The following GLYR1 variants were observed in gnomAD, a reference collection of about 807,000 sequenced individuals.
GLYR1 encodes the protein glyoxylate reductase 1 homolog.
In GLYR1, 21 loss-of-function variants were observed where a neutral mutation model predicts 72.7. That is an observed-to-expected ratio of 0.29 (90% CI 0.20 to 0.42). The LOEUF is 0.42. Ranked by LOEUF, GLYR1 falls within the 10% of genes least tolerant of loss-of-function variation. GLYR1 has a pLI of 1.00. For synonymous variants in GLYR1, 392 were observed against 270.2 expected, an observed-to-expected ratio of 1.45 and a Z score of -4.42; for missense variants, 594 against 712.1, an observed-to-expected ratio of 0.83 and a Z score of 1.89.
chr16:4,827,771 G>A (rs925765088), intron 5 of GLYR1, among the ~76,000 whole-genome samples: 2 of 151,904 alleles, frequency 1.3e-5, no homozygotes, highest in African/African-American at 4.8e-5. Flanking sequence ...GTGGTGGCGG[G>A]CACCTGTAGT....
In GLYR1 at chr16:4,831,154, T is replaced by C. The variant is rs2084771843; in HGVS notation, c.537+825A>G. On this transcript the variant is annotated intron_variant, in intron 5 of 15. Transcript: ENST00000321919. ...CTTTTCCTTTTTCTCATTCATCCTCTATATAACCAATTATGGAATCTTAAG... is the reference window on the plus strand; with the variant it reads ...CTTTTCCTTTTTCTCATTCATCCTCCATATAACCAATTATGGAATCTTAAG... 7.2e-5 allele frequency among the ~76,000 whole-genome samples: 11 copies of C among 152,328 alleles called. No individual in the cohort carries two copies. In the South Asian group the frequency reaches 2.1e-3, roughly 29 times the overall value.
intron 9 of GLYR1, among the ~76,000 whole-genome samples, chr16:4,820,605 A>G (rs2083949266): frequency 6.6e-6 from 1 of 152,208 alleles, no homozygotes; most frequent in Non-Finnish European, 1.5e-5. Context: ...AATAACTGGT[A>G]GCATTAGTGA....
intron 3 of GLYR1, among the ~76,000 whole-genome samples, chr16:4,842,056 A>G (rs966734570): frequency 1.3e-5 from 2 of 152,046 alleles, no homozygotes; most frequent in African/African-American, 4.8e-5. Context: ...CTTGGCTAAC[A>G]TGGTGAAACC....
At chr16:4,811,912 C>T in intron 13 of GLYR1, 110 bp from the exon 14 acceptor site, 1 of 1,429,684 alleles carries the variant, frequency 7.0e-7, no homozygotes, top group Middle Eastern at 2.1e-4. Flanking sequence ...AGGCCCCCTT[C>T]ACCTGCCCCC....
At chr16:4,846,775 G>A (rs1348526187) in intron 1 of GLYR1, 8 of 248,832 alleles carry the variant, frequency 3.2e-5, no homozygotes, top group Non-Finnish European at 4.8e-5. Context: ...GTCCGGTTTA[G>A]ACAACCCCGG....
chr16:4,840,164 C>T (rs1283114580), intron 3 of GLYR1: 1 of 152,558 alleles, frequency 6.6e-6, no homozygotes, highest in East Asian at 1.9e-4. Context: ...TTATGCAGTG[C>T]TCCTCACCCT....
At chr16:4,836,478 A>G (rs145074960) in intron 3 of GLYR1, among the ~76,000 whole-genome samples, 148 of 152,336 alleles carry the variant, frequency 9.7e-4, no homozygotes, top group African/African-American at 3.1e-3. Context: ...TTCAAGCTGT[A>G]TTTAAAGTAG....
rs191382860 is a variant in GLYR1, at chr16:4,805,076, G to T, written c.*160C>A. On this transcript the variant is annotated 3_prime_UTR_variant, in exon 16 of 16. Coordinates refer to ENST00000321919, the MANE Select transcript of GLYR1 (RefSeq NM_032569.4). ...CCTCCCCACCGGCCTCAGGGGAAGG[G>T]TGCTGCTGTGTGCTGTGCTGATGGC... 3.0e-6 allele frequency: 2 copies of T among 659,992 alleles called. No individual in the cohort carries two copies. Among genetic ancestry groups the T allele is most frequent in the African/African-American group, 3.6e-5 (2 of 56,062 alleles). The allele number at this position is 659,992 out of a possible 1,614,324, so 40.9% of individuals were successfully genotyped here.
chr16:4,832,822 C>T lies in GLYR1; in HGVS notation c.246G>A (p.Ala82=), dbSNP rs774362220. 1.9e-5 allele frequency: 30 copies of T among 1,613,502 alleles called. No homozygotes were observed. Among genetic ancestry groups the T allele is most frequent in the African/African-American group, 6.7e-5 (5 of 74,920 alleles). ...KINKGKRFQQ[A]VDAVEEFLRR... ...TGAGGAACTCTTCGACAGCATCTAC[C>T]GCTTGCTGGAATCGTTTACCCTTGT... The change falls in exon 4 of 16, where the codon GCG becomes GCA. Residue 82 remains alanine (A), a synonymous_variant. Transcript: ENST00000321919.
intron 10 of GLYR1, among the ~76,000 whole-genome samples, chr16:4,816,049 A>T (rs780970665): frequency 2.0e-5 from 3 of 152,164 alleles, no homozygotes; most frequent in Non-Finnish European, 4.4e-5. Context: ...GATTATAGGC[A>T]TGAGCCACCG....
rs746905350 is a variant in GLYR1, at chr16:4,812,213, G to A, written c.1155C>T (p.Ala385=). ...IVSRGGRFLE[A]PVSGNQQLSN... ...ACAGCTGCTGATTCCCTGAGACGGG[G>A]GCTTCCAGAAAGCGCCCCCCCCTGG... is the stretch of plus-strand genomic sequence containing the variant. The change falls in exon 13 of 16, where the codon GCC becomes GCT. Residue 385 remains alanine, a synonymous_variant. Transcript: ENST00000321919. The A allele has an allele frequency of 6.2e-7, 1 of 1,614,008 alleles. No individual in the cohort carries two copies. Among genetic ancestry groups the A allele is most frequent in the Non-Finnish European group, 8.5e-7 (1 of 1,180,016 alleles).
chr16:4,838,789 A>G lies in GLYR1; in HGVS notation c.156-5877T>C, dbSNP rs1024670733. On this transcript the variant is annotated intron_variant, in intron 3 of 15. Coordinates refer to ENST00000321919, the MANE Select transcript of GLYR1 (RefSeq NM_032569.4). The stretch of plus-strand genomic sequence containing the variant: ...TTTTTAGGAGAGACGGGGTTTCACC[A>G]TGTTAGCCAGCATGGTCTTGATCTC... Among the ~76,000 whole-genome samples the G allele has an allele frequency of 4.9e-4, 75 of 152,012 alleles. 1 individual carries two copies. The highest frequency in any genetic ancestry group is 1.8e-3 in the African/African-American group (74 of 41,378).
At chr16:4,809,133 G>A (rs1270217693) in intron 15 of GLYR1, among the ~76,000 whole-genome samples, 1 of 150,710 alleles carries the variant, frequency 6.6e-6, no homozygotes, top group African/African-American at 2.4e-5. Context: ...GGAAATGGAT[G>A]GAAAAATATA....
rs764555206 is a variant in GLYR1 at position 4,823,883 on chromosome 16, T to C, written c.562A>G (p.Thr188Ala). 1.2e-6 allele frequency: 2 copies of C among 1,613,904 alleles called. No homozygotes were observed. Among genetic ancestry groups the C allele is most frequent in the African/African-American group, 2.7e-5 (2 of 74,880 alleles). ...EKDLTIPESS[T>A]VKGMMAGPMA... ...GGTCCGGCCATCATCCCCTTCACGGTACTAGACTCCGGGATGGTGAGATCC... is the reference window on the plus strand; with the variant it reads ...GGTCCGGCCATCATCCCCTTCACGGCACTAGACTCCGGGATGGTGAGATCC... The change falls in exon 6 of 16, where the codon ACC (threonine) becomes GCC (alanine). Residue 188 changes from threonine to alanine, a missense_variant. By Grantham distance (58) the Thr-to-Ala change is moderately conservative (BLOSUM62 0). Coordinates refer to ENST00000321919, the MANE Select transcript of GLYR1 (RefSeq NM_032569.4).
At chr16:4,843,345 G>C in intron 3 of GLYR1, 1 of 434,260 alleles carries the variant, frequency 2.3e-6, no homozygotes, top group Non-Finnish European at 3.4e-6. Flanking sequence ...TGTAGAGACG[G>C]GGTTTTGCCA....
At position 4,811,734 on chromosome 16, in the gene GLYR1, T is replaced by C. The variant is rs760748474; in HGVS notation, c.1351A>G (p.Ile451Val). 6 of 1,614,146 alleles carry C rather than the reference T, an allele frequency of 3.7e-6. No homozygotes were observed. The highest frequency in any genetic ancestry group is 5.1e-6 in the Non-Finnish European group (6 of 1,180,018). The change falls in exon 14 of 16, where the codon ATT becomes GTT. Residue 451 changes from isoleucine to valine, a missense_variant. Transcript: ENST00000321919. ...TGGGCCAGGGTCAGCCCCTCGGCAA[T>C]AGTGGCCATGAAGCTCCCTTGGACC... ...NMVQGSFMAT[I>V]AEGLTLAQVT... is the part of the protein sequence containing the mutation.
chr16:4,819,753 T>C (rs914171513), intron 9 of GLYR1, among the ~76,000 whole-genome samples: 1 of 152,206 alleles, frequency 6.6e-6, no homozygotes, highest in Admixed American at 6.5e-5. Flanking sequence ...TATCAGCTGC[T>C]CACATTCTCC....
intron 14 of GLYR1, 109 bp downstream of exon 14, chr16:4,811,514 G>A (rs1301344461): frequency 1.4e-6 from 2 of 1,413,198 alleles, no homozygotes; most frequent in East Asian, 2.3e-5. Flanking sequence ...TCTGGCCAGG[G>A]TCAGGGACTG....
At chr16:4,813,954 A>G in intron 11 of GLYR1, 116 bp from the exon 12 acceptor site, 1 of 707,416 alleles carries the variant, frequency 1.4e-6, no homozygotes, top group African/African-American at 1.8e-5. Flanking sequence ...GATTTCTATC[A>G]GCTGAAAAGG....
Sources: allele counts gnomAD v4.1 joint callset (sites outside exome capture counted in the v4.1 genomes callset), GRCh38; gene constraint gnomAD v4.1.1; transcripts MANE v1.5; gene names NCBI Gene and HGNC (gene_info 2026-07-23, HGNC 2026-07-21).